Variants in GRHL2 observed in about 807,000 individuals in gnomAD.
The protein encoded by GRHL2 is grainyhead like transcription factor 2.
A neutral mutation model predicts 83.8 loss-of-function variants in GRHL2; 21 were observed. The observed-to-expected ratio is 0.25, with a 90% CI of 0.18 to 0.36. The LOEUF (loss-of-function observed/expected upper bound fraction) is 0.36. GRHL2 is among the 10% of genes least tolerant of loss of function. GRHL2 has a pLI of 1.00. For missense variants in GRHL2, 623 were observed against 781.8 expected, an observed-to-expected ratio of 0.80 and a Z score of 2.42; for synonymous variants, 280 against 278.9, an observed-to-expected ratio of 1.00 and a Z score of -0.04.
At chr8:101,676,231 G>A in the GRHL2 span, among the ~76,000 whole-genome samples, 13,925 of 151,510 alleles carry the variant, frequency 0.092, 504 homozygotes, top group Middle Eastern at 0.13. Flanking sequence ...AAACTAAAGA[G>A]CTTCTGCACA....
chr8:101,566,234 T>C (rs757002036), intron 4 of GRHL2, among the ~76,000 whole-genome samples: 42 of 152,222 alleles, frequency 2.8e-4, no homozygotes, highest in Non-Finnish European at 5.9e-4. Flanking sequence ...TTAGAAATTC[T>C]CTGGGATACA....
At chr8:101,548,633 G>T (rs765807376) in intron 2 of GRHL2, among the ~76,000 whole-genome samples, 21 of 152,208 alleles carry the variant, frequency 1.4e-4, no homozygotes, top group Non-Finnish European at 2.4e-4. Flanking sequence ...TGAGTTTGAT[G>T]TGCCTGCAGG....
intron 1 of GRHL2, among the ~76,000 whole-genome samples, chr8:101,521,967 T>A (rs574223883): frequency 6.6e-6 from 1 of 152,248 alleles, no homozygotes; most frequent in South Asian, 2.1e-4. Context: ...TAAAGGTTTG[T>A]TCAATGAACT....
At chr8:101,543,599 C>A in intron 2 of GRHL2, 163 bp downstream of exon 2, 1 of 709,700 alleles carries the variant, frequency 1.4e-6, no homozygotes, top group Non-Finnish European at 2.5e-6. Flanking sequence ...CCTGCTTCCC[C>A]ATCTACAAAG....
At chr8:101,633,687 G>A (rs1813231036) in intron 11 of GRHL2, among the ~76,000 whole-genome samples, 1 of 151,984 alleles carries the variant, frequency 6.6e-6, no homozygotes, top group African/African-American at 2.4e-5. Context: ...AAAGTAGGGA[G>A]GAAGAATTTT....
chr8:101,495,870 C>T (rs2129951540), intron 1 of GRHL2, among the ~76,000 whole-genome samples: 1 of 152,202 alleles, frequency 6.6e-6, no homozygotes, highest in South Asian at 2.1e-4. Flanking sequence ...ATACAGGGGC[C>T]AGGCGCGGCG....
rs553249046 is a variant in GRHL2 at position 101,645,116 on chromosome 8, A to AT, written c.1612+928dup. The stretch of plus-strand genomic sequence containing the variant: ...TGCCTCAGTCTGCCAGCAGTACAGA[A>AT]TTTTTTTTTTTTTTTTTTTTTTTTT... On this transcript the variant is annotated intron_variant, in intron 13 of 15. Coordinates refer to ENST00000646743, the MANE Select transcript of GRHL2 (RefSeq NM_024915.4). 1.5e-3 allele frequency among the ~76,000 whole-genome samples: 177 copies of AT among 117,328 alleles called. 3 individuals are homozygous for AT. The highest frequency in any genetic ancestry group is 2.1e-3 in the South Asian group (7 of 3,396). 77.0% of individuals were successfully genotyped at this position (117,328 alleles called of 152,430 possible).
chr8:101,587,561 G>A (rs1035100286), intron 7 of GRHL2, among the ~76,000 whole-genome samples: 1 of 152,046 alleles, frequency 6.6e-6, no homozygotes, highest in Non-Finnish European at 1.5e-5. Context: ...TGGGACTTTT[G>A]TTATATCCAT....
At chr8:101,665,549 G>A (rs931841530) in intron 15 of GRHL2, among the ~76,000 whole-genome samples, 2 of 152,138 alleles carry the variant, frequency 1.3e-5, no homozygotes, top group African/African-American at 4.8e-5. Context: ...AATGTAGTAG[G>A]CTGGGTGTAT....
In GRHL2 at chr8:101,604,363, T is replaced by G. The variant is rs117135803; in HGVS notation, c.1098+5212T>G. On this transcript the variant is annotated intron_variant, in intron 8 of 15. Transcript: ENST00000646743. ...TGATGACATCACCCCCAGAGCAGAG[T>G]GCAGCAAACCCTAATTACAGGCTTC... 2.2e-3 allele frequency among the ~76,000 whole-genome samples: 341 copies of G among 152,140 alleles called. 6 individuals carry two copies. In the East Asian group the frequency reaches 0.057, roughly 25 times the overall value.
intron 7 of GRHL2, 74 bp downstream of exon 7, chr8:101,577,593 C>T (rs995117516): frequency 1.9e-5 from 19 of 982,568 alleles, no homozygotes; most frequent in South Asian, 2.7e-5. Flanking sequence ...GGGAGCCTGG[C>T]GTAGTAATCA....
intron 6 of GRHL2, among the ~76,000 whole-genome samples, chr8:101,574,912 C>G (rs1216529360): frequency 6.6e-6 from 1 of 152,166 alleles, no homozygotes; most frequent in Non-Finnish European, 1.5e-5. Context: ...ATGAAAAAGG[C>G]ACTGCTGTTT....
chr8:101,543,249 G>C lies in GRHL2; in HGVS notation c.29G>C (p.Arg10Thr), dbSNP rs1486388579. 6.2e-7 allele frequency: 1 copy of C among 1,613,640 alleles called. No individual in the cohort carries two copies. Among genetic ancestry groups the C allele is most frequent in the African/African-American group, 1.3e-5 (1 of 74,886 alleles). Residue 10 changes from arginine (R) to threonine (T), a missense_variant, in exon 2 of 16, where the codon AGA becomes ACA. Transcript: ENST00000646743. MSQESDNNK[R>T]LVALVPMPSD... ...TTCTCTTGTTTTTACAGTAATAAAA[G>C]ACTAGTGGCCTTAGTGCCCATGCCC...
chr8:101,574,958 G>A (rs1314716485), intron 6 of GRHL2, among the ~76,000 whole-genome samples: 1 of 152,212 alleles, frequency 6.6e-6, no homozygotes, highest in Non-Finnish European at 1.5e-5. Context: ...TGGTGATAAA[G>A]TTTCAGAAAC....
intron 15 of GRHL2, among the ~76,000 whole-genome samples, chr8:101,664,979 T>C (rs1175367231): frequency 6.6e-6 from 1 of 152,192 alleles, no homozygotes; most frequent in South Asian, 2.1e-4. Context: ...TGTGTTCTCA[T>C]TGTTAAGAAC....
Position 101,576,514 on chromosome 8 carries a change from C to G in GRHL2, c.892-894C>G, listed in dbSNP as rs535689911. On this transcript the variant is annotated intron_variant, in intron 6 of 15. Transcript: ENST00000646743. The stretch of plus-strand genomic sequence containing the variant: ...GGATTACAGGCATGAGTCACCCGGC[C>G]CAGCCCTAAGAAGTTCTTAAGGAAT... Among the ~76,000 whole-genome samples, 5 of 152,234 alleles carry G rather than the reference C, an allele frequency of 3.3e-5. No homozygotes were observed. The East Asian group carries it at 9.6e-4, about 29-fold the overall frequency.
chr8:101,669,922 A>ACTT (rs1443005114), downstream of GRHL2, among the ~76,000 whole-genome samples: 5 of 152,174 alleles, frequency 3.3e-5, no homozygotes, highest in African/African-American at 7.2e-5. Context: ...GGGCTGAAGA[A>ACTT]CTTCCAGGGC....
intron 7 of GRHL2, among the ~76,000 whole-genome samples, chr8:101,592,867 A>G (rs1312014484): frequency 1.3e-5 from 2 of 152,228 alleles, no homozygotes; most frequent in Non-Finnish European, 2.9e-5. Context: ...TATCTCTGGC[A>G]GCACATGACA....
chr8:101,492,819 TACTACTACCACTTTGGGCTG>T, intron 1 of GRHL2, 30 bp downstream of exon 1: 2 of 1,610,294 alleles, frequency 1.2e-6, no homozygotes, highest in Non-Finnish European at 1.7e-6. Context: ...CGGCTGCTGC[TACTACTACCACTTTGGGCTG>T]ATGGCAACTG....
Sources: gnomAD v4.1 joint callset for allele counts (sites outside exome capture counted in the v4.1 genomes callset) on GRCh38, gnomAD v4.1.1 for gene constraint, MANE v1.5 for transcripts, NCBI Gene and HGNC (gene_info 2026-07-23, HGNC 2026-07-21) for gene names.